Variants in SRBD1 observed in about 807,000 individuals in gnomAD.
The protein encoded by SRBD1 is S1 RNA-binding domain-containing protein 1.
In SRBD1, 88 loss-of-function variants were observed where a neutral mutation model predicts 115.3. The observed-to-expected ratio is 0.76, with a 90% CI of 0.64 to 0.91. The LOEUF is 0.91. Among genes scored for constraint, SRBD1 ranks in the 40% least tolerant of loss-of-function variants. The probability of loss-of-function intolerance (pLI) is 0.00; values close to 1 mark genes in which losing one functional copy is unlikely to be tolerated. For missense variants in SRBD1, 1,385 were observed against 1,177.4 expected (o/e 1.18, Z -2.58); for synonymous variants, 509 against 407.7 (o/e 1.25, Z -2.99).
chr2:45,537,946 A>G (rs941699562), intron 14 of SRBD1, among the ~76,000 whole-genome samples: 1 of 152,210 alleles, frequency 6.6e-6, no homozygotes, highest in African/African-American at 2.4e-5. Context: ...TTTAAAAGGG[A>G]GACAGCTGTG....
intron 1 of SRBD1, among the ~76,000 whole-genome samples, chr2:45,605,971 T>C (rs1240741009): frequency 6.8e-6 from 1 of 146,624 alleles, no homozygotes; most frequent in Non-Finnish European, 1.5e-5. Flanking sequence ...CTCTTAAGAG[T>C]ATGGGCCATC....
chr2:45,482,543 T>C (rs2103836540), intron 15 of SRBD1, among the ~76,000 whole-genome samples: 1 of 151,922 alleles, frequency 6.6e-6, no homozygotes, highest in East Asian at 1.9e-4. Context: ...ACGTACAGTA[T>C]GGTGAAATTA....
chr2:45,502,115 A>T (rs1306582631), intron 14 of SRBD1, among the ~76,000 whole-genome samples: 1 of 152,198 alleles, frequency 6.6e-6, no homozygotes, highest in East Asian at 1.9e-4. Flanking sequence ...ATCAGGCAGC[A>T]ACATTTGCTG....
At chr2:45,604,956 G>C (rs1674219435) in intron 2 of SRBD1, among the ~76,000 whole-genome samples, 2 of 152,052 alleles carry the variant, frequency 1.3e-5, no homozygotes, top group Non-Finnish European at 2.9e-5. Context: ...GGAAGCTATT[G>C]GCATCCAGTG....
At chr2:45,472,260 A>C (rs1023069899) in intron 16 of SRBD1, among the ~76,000 whole-genome samples, 1 of 152,242 alleles carries the variant, frequency 6.6e-6, no homozygotes, top group Admixed American at 6.5e-5. Context: ...GTATGATTCC[A>C]TGTATATGAA....
intron 18 of SRBD1, 32 bp downstream of exon 18, chr2:45,418,333 A>G (rs1224311455): frequency 1.2e-6 from 2 of 1,600,386 alleles, no homozygotes; most frequent in African/African-American, 2.7e-5. Context: ...GAGGAGGTTG[A>G]CAATAGAATC....
intron 16 of SRBD1, among the ~76,000 whole-genome samples, chr2:45,453,508 C>G (rs1438012415): frequency 1.3e-5 from 2 of 151,722 alleles, no homozygotes; most frequent in African/African-American, 4.8e-5. Context: ...TACTTTTAAT[C>G]ACTCCAGGGA....
chr2:45,526,788 T>C (rs1178615943), intron 14 of SRBD1, among the ~76,000 whole-genome samples: 4 of 151,768 alleles, frequency 2.6e-5, no homozygotes, highest in Non-Finnish European at 5.9e-5. Flanking sequence ...GAATATAAAA[T>C]AATCTTAAGG....
chr2:45,467,268 C>A (rs1253728346), intron 16 of SRBD1, among the ~76,000 whole-genome samples: 1 of 152,188 alleles, frequency 6.6e-6, no homozygotes, highest in East Asian at 1.9e-4. Context: ...GCATGTGGGG[C>A]CCACCCCCAG....
chr2:45,513,931 G>C (rs1218488771), intron 14 of SRBD1, among the ~76,000 whole-genome samples: 1 of 152,268 alleles, frequency 6.6e-6, no homozygotes, highest in East Asian at 1.9e-4. Context: ...GAGGTGGAAA[G>C]GCTGCATGGT....
rs147790397 is a variant in SRBD1 at position 45,599,504 on chromosome 2, G to A, written c.593C>T (p.Pro198Leu). ...TYPQGQPVKFPANANSTKEEV... is the reference protein window; with the variant it reads ...TYPQGQPVKFLANANSTKEEV... Reference sequence around the variant, plus strand: ...CTCTTTAGTACTATTGGCATTTGCTGGAAACTTGACAGGCTGCCCCTGAGG... The same window carrying A: ...CTCTTTAGTACTATTGGCATTTGCTAGAAACTTGACAGGCTGCCCCTGAGG... The change falls in exon 4 of 21, where the codon CCA becomes CTA. Residue 198 changes from proline to leucine, a missense_variant. Coordinates refer to ENST00000263736, the MANE Select transcript of SRBD1 (RefSeq NM_018079.5). 9,730 of 1,614,152 alleles carry A rather than the reference G, an allele frequency of 6.0e-3. 44 individuals are homozygous for A. The highest frequency in any genetic ancestry group is 6.9e-3 in the Non-Finnish European group (8,133 of 1,180,034).
At chr2:45,488,913 C>A (rs1463626623) in intron 14 of SRBD1, among the ~76,000 whole-genome samples, 3 of 151,926 alleles carry the variant, frequency 2.0e-5, no homozygotes, top group Admixed American at 6.6e-5. Flanking sequence ...TCAGGAGGGT[C>A]TGAAAATCAT....
At chr2:45,539,235 T>C (rs1671857679) in intron 14 of SRBD1, among the ~76,000 whole-genome samples, 1 of 151,828 alleles carries the variant, frequency 6.6e-6, no homozygotes, top group South Asian at 2.1e-4. Context: ...AGAAATTTTT[T>C]TGCTAAAAAA....
At chr2:45,399,504 T>C (rs1667236388) in intron 19 of SRBD1, among the ~76,000 whole-genome samples, 1 of 152,076 alleles carries the variant, frequency 6.6e-6, no homozygotes, top group African/African-American at 2.4e-5. Context: ...GATTTGCTGA[T>C]AAGAAAACAA....
At chr2:45,451,193 A>C (rs1200361508) in intron 16 of SRBD1, among the ~76,000 whole-genome samples, 1 of 152,114 alleles carries the variant, frequency 6.6e-6, no homozygotes, top group Non-Finnish European at 1.5e-5. Flanking sequence ...AAGTGATCAT[A>C]GTCTTGGACT....
chr2:45,468,639 CG>C (rs961283325), intron 16 of SRBD1, among the ~76,000 whole-genome samples: 4 of 152,136 alleles, frequency 2.6e-5, no homozygotes, highest in African/African-American at 9.7e-5. Flanking sequence ...CCTCCTACCT[CG>C]GCCTCCCAAA....
intron 19 of SRBD1, among the ~76,000 whole-genome samples, chr2:45,407,756 T>A (rs1365792013): frequency 1.3e-5 from 2 of 152,098 alleles, no homozygotes; most frequent in Admixed American, 1.3e-4. Flanking sequence ...TAGACATTCA[T>A]ACTTCAAAAA....
At chr2:45,529,250 C>T (rs936701945) in intron 14 of SRBD1, among the ~76,000 whole-genome samples, 5 of 151,762 alleles carry the variant, frequency 3.3e-5, no homozygotes, top group African/African-American at 7.3e-5. Flanking sequence ...AAGACAGATA[C>T]ATTTTACATT....
chr2:45,462,526 A>C (rs1170474582), intron 16 of SRBD1, among the ~76,000 whole-genome samples: 5 of 152,180 alleles, frequency 3.3e-5, no homozygotes, highest in African/African-American at 9.7e-5. Context: ...TTAATAATAC[A>C]GTACAATAAA....
Sources: allele counts gnomAD v4.1 joint callset (sites outside exome capture counted in the v4.1 genomes callset), GRCh38; gene constraint gnomAD v4.1.1; transcripts MANE v1.5; gene names NCBI Gene and HGNC (gene_info 2026-07-23, HGNC 2026-07-21).